Variants in NEDD4L observed in about 807,000 individuals in gnomAD.
NEDD4L encodes the protein E3 ubiquitin-protein ligase NEDD4-like.
A neutral mutation model predicts 148.9 loss-of-function variants in NEDD4L; 54 were observed. The ratio of observed to expected loss-of-function variants is 0.36; its 90% CI spans 0.29 to 0.45. NEDD4L has a LOEUF of 0.45. Among genes scored for constraint, NEDD4L ranks in the 20% least tolerant of loss-of-function variants. The pLI, the probability that NEDD4L is intolerant of heterozygous loss-of-function variation, is 1.00. For missense variants in NEDD4L, 856 were observed against 1,233.8 expected (o/e 0.69, Z 4.59); for synonymous variants, 433 against 440.7 (o/e 0.98, Z 0.22).
chr18:58,182,244 C>A (rs973146041), intron 2 of NEDD4L, among the ~76,000 whole-genome samples: 17 of 151,848 alleles, frequency 1.1e-4, no homozygotes, highest in African/African-American at 3.4e-4. Flanking sequence ...GAGGAAAATG[C>A]GGGGCGGGGG....
At chr18:58,269,076 T>C (rs17064593) in intron 5 of NEDD4L, among the ~76,000 whole-genome samples, 5,487 of 152,086 alleles carry the variant, frequency 0.036, 328 homozygotes, top group African/African-American at 0.12. Context: ...TTGCCTCATA[T>C]GTTCCAATCT....
At chr18:58,296,681 G>A (rs1414150584) in intron 5 of NEDD4L, among the ~76,000 whole-genome samples, 1 of 152,228 alleles carries the variant, frequency 6.6e-6, no homozygotes, top group Non-Finnish European at 1.5e-5. Flanking sequence ...CAACACTTTG[G>A]GAGGCTGAGG....
intron 19 of NEDD4L, among the ~76,000 whole-genome samples, chr18:58,360,934 C>T (rs144153611): frequency 6.6e-6 from 1 of 152,120 alleles, no homozygotes; most frequent in African/African-American, 2.4e-5. Flanking sequence ...TTGGCACAGG[C>T]TTGGAGTATG....
rs904466003 is a variant in NEDD4L at position 58,370,419 on chromosome 18, C to G, written c.2208C>G (p.Tyr736Ter). 6.2e-7 allele frequency: 1 copy of G among 1,611,758 alleles called. No individual in the cohort carries two copies. The highest frequency in any genetic ancestry group is 8.5e-7 in the Non-Finnish European group (1 of 1,178,008). The change falls in exon 23 of 31, where the codon TAC (tyrosine) becomes TAG (stop). Residue 736 changes from tyrosine to a stop codon, truncating the protein, a stop_gained. Transcript: ENST00000400345. LOFTEE classifies it high-confidence loss of function. ...TAGGTTTCTTCATTAGACCATTTTACAAGATGATGTTGGGAAAGCAGATAA... is the reference window on the plus strand; with the variant it reads ...TAGGTTTCTTCATTAGACCATTTTAGAAGATGATGTTGGGAAAGCAGATAA... ...LLDGFFIRPF[Y>*]KMMLGKQITL...
chr18:58,381,818 A>G (rs2048380830), intron 24 of NEDD4L, among the ~76,000 whole-genome samples: 1 of 152,180 alleles, frequency 6.6e-6, no homozygotes, highest in Non-Finnish European at 1.5e-5. Flanking sequence ...GTTTCACTGT[A>G]GAAACATCCC....
chr18:58,137,825 G>C (rs2033019474), intron 1 of NEDD4L, among the ~76,000 whole-genome samples: 1 of 152,178 alleles, frequency 6.6e-6, no homozygotes, highest in Non-Finnish European at 1.5e-5. Flanking sequence ...TGACACGTAA[G>C]CTGGGTGGTT....
At chr18:58,390,587 C>T in intron 28 of NEDD4L, 59 bp from the exon 29 acceptor site, 3 of 1,047,666 alleles carry the variant, frequency 2.9e-6, no homozygotes, top group South Asian at 2.7e-5. Context: ...GCCTGCATGA[C>T]AGCAGCATGT....
At chr18:58,219,477 G>A (rs1410991577) in intron 2 of NEDD4L, among the ~76,000 whole-genome samples, 1 of 152,242 alleles carries the variant, frequency 6.6e-6, no homozygotes, top group Non-Finnish European at 1.5e-5. Context: ...TCGTAACAAA[G>A]TAGCACAGAC....
intron 1 of NEDD4L, among the ~76,000 whole-genome samples, chr18:58,056,157 TC>T (rs1386610754): frequency 6.6e-6 from 1 of 152,190 alleles, no homozygotes; most frequent in Non-Finnish European, 1.5e-5. Context: ...CTTGTCCTTG[TC>T]CCCCTTCCCC....
intron 1 of NEDD4L, among the ~76,000 whole-genome samples, chr18:58,103,049 T>C (rs1390329779): frequency 6.6e-6 from 1 of 151,832 alleles, no homozygotes; most frequent in Non-Finnish European, 1.5e-5. Context: ...AGTGGCTCGG[T>C]GTTATGGACA....
intron 16 of NEDD4L, among the ~76,000 whole-genome samples, chr18:58,348,326 C>T (rs559191): frequency 1.9e-4 from 17 of 88,636 alleles, no homozygotes; most frequent in South Asian, 9.2e-4. Context: ...TCTTTTTTTT[C>T]TTTTTTTTTT....
chr18:58,391,584 T>G, intron 30 of NEDD4L, 25 bp downstream of exon 30: 1 of 1,489,884 alleles, frequency 6.7e-7, no homozygotes, highest in Non-Finnish European at 9.2e-7. Context: ...CACATGCATG[T>G]CAATGCAATA....
Position 58,341,263 on chromosome 18 carries a change from A to G in NEDD4L, c.1257+94A>G, listed in dbSNP as rs548878895. ...TTCCTGGTGTTTATGTATTGTTCTG[A>G]AAGACCCGTATTTGTAAAAGCTTTC... On this transcript the variant is annotated intron_variant, in intron 14 of 30. Transcript: ENST00000400345. The G allele has an allele frequency of 1.5e-5, 21 of 1,379,232 alleles. No individual in the cohort carries two copies. In the African/African-American group the frequency reaches 2.8e-4, roughly 18 times the overall value. 85.4% of individuals were successfully genotyped at this position (1,379,232 alleles called of 1,614,324 possible).
intron 23 of NEDD4L, among the ~76,000 whole-genome samples, chr18:58,372,944 G>A (rs2047086289): frequency 6.6e-6 from 1 of 152,124 alleles, no homozygotes; most frequent in Non-Finnish European, 1.5e-5. Context: ...GCCTTCCACT[G>A]TGCATCACTA....
intron 1 of NEDD4L, among the ~76,000 whole-genome samples, chr18:58,107,565 A>C (rs142699352): frequency 6.6e-6 from 1 of 152,304 alleles, no homozygotes; most frequent in East Asian, 1.9e-4. Flanking sequence ...AAAAATTACA[A>C]AATATCAGCC....
chr18:58,106,689 T>TA (rs896385733), intron 1 of NEDD4L, among the ~76,000 whole-genome samples: 9 of 152,192 alleles, frequency 5.9e-5, no homozygotes, highest in Non-Finnish European at 1.0e-4. Flanking sequence ...GGCAGATGAT[T>TA]AAAAAAATTG....
chr18:58,239,894 G>T (rs1197481858), intron 2 of NEDD4L, among the ~76,000 whole-genome samples: 1 of 152,228 alleles, frequency 6.6e-6, no homozygotes, highest in Non-Finnish European at 1.5e-5. Context: ...CCAGAAGAGA[G>T]AACTGAATTT....
intron 27 of NEDD4L, chr18:58,387,953 A>G (rs1400587473): frequency 6.5e-6 from 1 of 154,220 alleles, no homozygotes; most frequent in African/African-American, 2.4e-5. Context: ...TGGCAGCCAA[A>G]TGGGGGTCTT....
intron 2 of NEDD4L, among the ~76,000 whole-genome samples, chr18:58,223,052 T>A (rs888403202): frequency 4.7e-5 from 7 of 149,992 alleles, no homozygotes; most frequent in South Asian, 2.1e-4. Context: ...TTTTTTTTTT[T>A]AAACCTTTTT....
Sources: gnomAD v4.1 joint callset for allele counts (sites outside exome capture counted in the v4.1 genomes callset) on GRCh38, gnomAD v4.1.1 for gene constraint, MANE v1.5 for transcripts, NCBI Gene and HGNC (gene_info 2026-07-23, HGNC 2026-07-21) for gene names.